MAGIX: variants seen among roughly 807,000 people sequenced by gnomAD.
MAGIX encodes MAGI family member, X-linked.
A neutral mutation model predicts 10.0 loss-of-function variants in MAGIX; 13 were observed. That is an observed-to-expected ratio of 1.30 (90% CI 0.84 to 2.06). The LOEUF (loss-of-function observed/expected upper bound fraction) is 2.06. MAGIX is among the 30% of genes most tolerant of loss of function. The pLI is 0.00. For synonymous variants in MAGIX, 108 were observed against 106.8 expected (o/e 1.01, Z -0.07); for missense variants, 235 against 245.2 (o/e 0.96, Z 0.28).
exon 3 of MAGIX, chrX:49,164,751 C>T (rs1209851172): frequency 5.0e-6 from 6 of 1,210,433 alleles, no homozygotes; most frequent in Middle Eastern, 4.6e-4. Context: ...CACAGACAGT[C>T]GCCTGCCTCA....
In MAGIX at chrX:49,164,079, TGGGAGGAGCCTTG is replaced by T. The variant is rs2065349141; in HGVS notation, c.-55+154_-55+166del. On this transcript the variant is annotated intron_variant, in intron 2 of 4. Transcript: ENST00000616266. Reference sequence around the variant, plus strand: ...GGCGGGGATCGGAGGGTGCTTCGAGTGGGAGGAGCCTTGGGGTTATTCTAGCATATTCCTTGAG... The same window carrying T: ...GGCGGGGATCGGAGGGTGCTTCGAGTGGGTTATTCTAGCATATTCCTTGAG... 6 of 473,396 alleles carry T rather than the reference TGGGAGGAGCCTTG, an allele frequency of 1.3e-5. No individual in the cohort carries two copies. In the Admixed American group the frequency reaches 2.4e-4, roughly 19 times the overall value. 39.0% of individuals were successfully genotyped at this position (473,396 alleles called of 1,213,427 possible).
Position 49,166,068 on chromosome X carries a change from C to A in MAGIX, c.503-6C>A, listed in dbSNP as rs1557097802. 1.7e-6 allele frequency: 2 copies of A among 1,207,287 alleles called. No homozygotes were observed. The highest frequency in any genetic ancestry group is 1.8e-5 in the South Asian group (1 of 56,740). ...TCCCTACTTCACCACCCAATCTAAT[C>A]CGTAGTCCCGTCATGGCCAGATCGC... On this transcript the variant is annotated splice_polypyrimidine_tract_variant and splice_region_variant and intron_variant, in intron 4 of 4. Transcript: ENST00000616266.
chrX:49,165,945 GA>G, intron 4 of MAGIX, 128 bp from the exon 6 acceptor site: 4 of 615,641 alleles, frequency 6.5e-6, no homozygotes, highest in Middle Eastern at 6.5e-4. Flanking sequence ...GCCGATCCCA[GA>G]AGGCCTGGAG....
rs1368777184 is a variant in MAGIX at position 49,163,679 on chromosome X, T to C, written c.-201-104T>C. The C allele has an allele frequency of 1.7e-5, 13 of 784,155 alleles. No individual in the cohort carries two copies. In the African/African-American group the frequency reaches 2.5e-4, roughly 15 times the overall value. The allele number at this position is 784,155 out of a possible 1,213,427, so 64.6% of individuals were successfully genotyped here. A position where few individuals can be genotyped will look rare whatever the true frequency, so the allele number is the denominator to read the frequency against. On this transcript the variant is annotated intron_variant, in intron 1 of 4. Transcript: ENST00000616266. Reference sequence around the variant, plus strand: ...AAACTATCGAGGGAGTGGCCAGGGGTCGCCGGGTATCCTGAGGGGCATTTC... The same window carrying C: ...AAACTATCGAGGGAGTGGCCAGGGGCCGCCGGGTATCCTGAGGGGCATTTC...
exon 3 of MAGIX, chrX:49,165,027 C>T (rs368901347): frequency 1.7e-5 from 21 of 1,209,465 alleles, no homozygotes; most frequent in Middle Eastern, 2.3e-4. Flanking sequence ...TAGCTGGGGA[C>T]ACTCCGCTGG....
At chrX:49,165,350 G>A (rs2065359708) in exon 4 of MAGIX, 4 of 1,163,314 alleles carry the variant, frequency 3.4e-6, no homozygotes, top group Admixed American at 2.6e-5. Flanking sequence ...GGAGAGCCCC[G>A]AAAAGGAGTT....
In MAGIX at chrX:49,165,328, C is replaced by A. The variant is rs782394182; in HGVS notation, c.469C>A (p.Pro157Thr). ...GCCTCTGGAGACCCACCCTGGCAAG[C>A]CTCGAGGGGTGGGAGAGCCCCGAAA... Residue 157 changes from proline to threonine, a missense_variant, in exon 4 of 5, where the codon CCT becomes ACT. By Grantham distance (38) the Pro-to-Thr change is conservative (BLOSUM62 -1). Coordinates refer to ENST00000616266, the Ensembl canonical transcript of MAGIX. 1.6e-5 allele frequency: 19 copies of A among 1,176,568 alleles called. No individual in the cohort carries two copies. The African/African-American group carries it at 3.0e-4, about 19-fold the overall frequency.
exon 5 of MAGIX, chrX:49,166,281 T>C: frequency 1.7e-6 from 2 of 1,189,117 alleles, no homozygotes; most frequent in Non-Finnish European, 2.3e-6. Context: ...AACGACCAGA[T>C]CCCGGGTTCC....
At chrX:49,165,901 C>T in intron 4 of MAGIX, 173 bp from the exon 6 acceptor site, 1 of 446,217 alleles carries the variant, frequency 2.2e-6, no homozygotes, top group South Asian at 3.7e-5. Flanking sequence ...GGAGGGGTCT[C>T]GGGAAAGGAG....
At chrX:49,165,061 G>A (rs2065356794) in exon 3 of MAGIX, 2 of 1,206,331 alleles carry the variant, frequency 1.7e-6, no homozygotes, top group African/African-American at 3.5e-5. Context: ...GCTGAAGGAT[G>A]GCCCAGCACA....
rs376354074 is a variant in MAGIX at position 49,165,408 on chromosome X, A to C, written c.502+47A>C. ...AGTCAGAGATCAGTGAGGAGAAGGG[A>C]GAGGTTCACAGAGTGGAGAAGCTGA... is the stretch of plus-strand genomic sequence containing the variant. On this transcript the variant is annotated intron_variant, in intron 4 of 4. Coordinates refer to ENST00000616266, the Ensembl canonical transcript of MAGIX. 212 of 1,047,067 alleles carry C rather than the reference A, an allele frequency of 2.0e-4. No individual in the cohort carries two copies. The African/African-American group carries it at 3.5e-3, about 17-fold the overall frequency. 86.3% of individuals were successfully genotyped at this position (1,047,067 alleles called of 1,213,427 possible).
chrX:49,164,966 T>A (rs1557097299), exon 3 of MAGIX: 1 of 1,211,044 alleles, frequency 8.3e-7, no homozygotes, highest in African/African-American at 1.7e-5. Flanking sequence ...TCTGTGGAGC[T>A]GGTTCGCGGT....
intron 1 of MAGIX, chrX:49,162,906 G>A (rs1557096552): frequency 1.2e-6 from 1 of 863,580 alleles, no homozygotes; most frequent in South Asian, 3.1e-5. Context: ...CCGCGCACAG[G>A]GGACGCCGCG....
At chrX:49,164,898 A>G (rs201178315) in exon 3 of MAGIX, 65 of 1,210,603 alleles carry the variant, frequency 5.4e-5, no homozygotes, top group East Asian at 5.0e-4. Flanking sequence ...CACCTCCCCA[A>G]TTGATCCAGG....
At chrX:49,164,056 C>A in intron 2 of MAGIX, 127 bp downstream of exon 2, 3 of 655,158 alleles carry the variant, frequency 4.6e-6, no homozygotes, top group Non-Finnish European at 6.2e-6. Flanking sequence ...CGACTTGGGG[C>A]GGGGATCGGA....
chrX:49,166,432 A>G (rs1376342738), exon 5 of MAGIX: 3 of 1,063,345 alleles, frequency 2.8e-6, no homozygotes, highest in Non-Finnish European at 3.7e-6. Context: ...CTCACTAGTT[A>G]CCGCCCAACC....
chrX:49,166,782 T>A, exon 5 of MAGIX: 1 of 154,091 alleles, frequency 6.5e-6, no homozygotes, highest in African/African-American at 3.0e-5. Flanking sequence ...CTGCCGGTCC[T>A]CAGTCTGGCG....
chrX:49,164,113 T>G, intron 2 of MAGIX, 184 bp downstream of exon 2: 1 of 352,447 alleles, frequency 2.8e-6, no homozygotes, highest in Non-Finnish European at 4.6e-6. Context: ...AGCATATTCC[T>G]TGAGGGTTAT....
chrX:49,166,426 C>T, exon 5 of MAGIX: 1 of 1,074,616 alleles, frequency 9.3e-7, no homozygotes. Flanking sequence ...GCGGGGCTCA[C>T]TAGTTACCGC....
Sources: allele counts gnomAD v4.1 joint callset, GRCh38; gene constraint gnomAD v4.1.1; transcripts MANE v1.5; gene names NCBI Gene and HGNC (gene_info 2026-07-23, HGNC 2026-07-21).